ARHGAP10: variants seen among roughly 807,000 people sequenced by gnomAD.
ARHGAP10 encodes the protein Rho GTPase activating protein 10, also known as rho GTPase-activating protein 10.
ARHGAP10 carries 87 observed loss-of-function variants against 108.6 expected under a neutral mutation model. That is an observed-to-expected ratio of 0.80 (90% CI 0.67 to 0.96). The LOEUF (loss-of-function observed/expected upper bound fraction) is 0.96, where lower values mean the gene tolerates loss of function less well. Among genes scored for constraint, ARHGAP10 ranks in the 40% least tolerant of loss-of-function variants. ARHGAP10 has a pLI of 0.00. For synonymous variants in ARHGAP10, 347 were observed against 341.1 expected, an observed-to-expected ratio of 1.02 and a Z score of -0.19; for missense variants, 939 against 954.5, an observed-to-expected ratio of 0.98 and a Z score of 0.21.
At chr4:147,793,305 C>CATAT (rs1167905424) in intron 1 of ARHGAP10, among the ~76,000 whole-genome samples, 1 of 130,004 alleles carries the variant, frequency 7.7e-6, no homozygotes, top group African/African-American at 2.7e-5. Flanking sequence ...ATAACACACA[C>CATAT]ATATATATAT....
At chr4:147,929,825 AAAT>A (rs1737602907) in intron 13 of ARHGAP10, among the ~76,000 whole-genome samples, 1 of 152,204 alleles carries the variant, frequency 6.6e-6, no homozygotes, top group Non-Finnish European at 1.5e-5. Flanking sequence ...AAGGCATCTA[AAAT>A]AATGATTAAT....
chr4:148,055,404 C>A (rs541234301), intron 20 of ARHGAP10, among the ~76,000 whole-genome samples: 2 of 152,218 alleles, frequency 1.3e-5, no homozygotes, highest in South Asian at 4.2e-4. Context: ...GATATTTGTT[C>A]TCAGCTGGGC....
chr4:148,047,301 G>C (rs1728934073), intron 20 of ARHGAP10, among the ~76,000 whole-genome samples: 1 of 152,152 alleles, frequency 6.6e-6, no homozygotes, highest in African/African-American at 2.4e-5. Flanking sequence ...CAATTCCTGG[G>C]CAGTTTTGGA....
intron 1 of ARHGAP10, among the ~76,000 whole-genome samples, chr4:147,799,807 G>A (rs750903096): frequency 6.6e-6 from 1 of 152,152 alleles, no homozygotes; most frequent in Non-Finnish European, 1.5e-5. Flanking sequence ...CAGGGTTAGG[G>A]TCAGTTTTTT....
chr4:148,038,720 G>A (rs1009132009), intron 19 of ARHGAP10, among the ~76,000 whole-genome samples: 2 of 152,164 alleles, frequency 1.3e-5, no homozygotes, highest in African/African-American at 4.8e-5. Context: ...GGTGACAGGA[G>A]GATGAATTCA....
intron 22 of ARHGAP10, among the ~76,000 whole-genome samples, chr4:148,071,595 G>A (rs1177867649): frequency 2.0e-5 from 3 of 151,978 alleles, no homozygotes; most frequent in Non-Finnish European, 4.4e-5. Flanking sequence ...CAGCCTGGGC[G>A]ACAGAGCGAG....
intron 21 of ARHGAP10, among the ~76,000 whole-genome samples, 159 bp downstream of exon 21, chr4:148,063,459 C>T (rs938474521): frequency 6.6e-6 from 1 of 152,138 alleles, no homozygotes; most frequent in Admixed American, 6.5e-5. Flanking sequence ...GTATCAGGGC[C>T]GTGCCTCACC....
chr4:147,999,491 GA>G (rs1740609677), intron 18 of ARHGAP10, among the ~76,000 whole-genome samples: 1 of 152,216 alleles, frequency 6.6e-6, no homozygotes, highest in African/African-American at 2.4e-5. Context: ...CATCCCTCCG[GA>G]TCCGGCAGGG....
chr4:147,985,837 C>T (rs867086113), intron 18 of ARHGAP10, among the ~76,000 whole-genome samples: 23 of 152,184 alleles, frequency 1.5e-4, no homozygotes, highest in African/African-American at 5.3e-4. Flanking sequence ...TGCTCTCCCT[C>T]GGCCTGGGTT....
intron 18 of ARHGAP10, among the ~76,000 whole-genome samples, chr4:147,978,072 G>A (rs964055262): frequency 6.6e-6 from 1 of 152,114 alleles, no homozygotes; most frequent in African/African-American, 2.4e-5. Flanking sequence ...CTATTGATGG[G>A]CACTCTATTG....
chr4:148,016,358 T>C (rs2149658418), intron 18 of ARHGAP10, among the ~76,000 whole-genome samples: 1 of 152,090 alleles, frequency 6.6e-6, no homozygotes, highest in East Asian at 1.9e-4. Flanking sequence ...TAAAAATTAC[T>C]TGGTTGTGGT....
chr4:147,951,968 A>T (rs1024849082), intron 15 of ARHGAP10, among the ~76,000 whole-genome samples: 1 of 152,194 alleles, frequency 6.6e-6, no homozygotes, highest in African/African-American at 2.4e-5. Context: ...AGCCTCATCC[A>T]CTAAAATGTT....
At chr4:147,736,611 C>T (rs1728425940) in intron 1 of ARHGAP10, among the ~76,000 whole-genome samples, 1 of 152,160 alleles carries the variant, frequency 6.6e-6, no homozygotes, top group Admixed American at 6.5e-5. Flanking sequence ...TCCTTTTCCC[C>T]TCTGACAATC....
chr4:148,056,988 C>G (rs1390458145), intron 20 of ARHGAP10, among the ~76,000 whole-genome samples: 1 of 152,220 alleles, frequency 6.6e-6, no homozygotes, highest in Non-Finnish European at 1.5e-5. Flanking sequence ...TGAGTCATGA[C>G]TCTCTTCACG....
intron 10 of ARHGAP10, among the ~76,000 whole-genome samples, chr4:147,890,317 T>A (rs186752530): frequency 9.1e-4 from 138 of 152,312 alleles, no homozygotes; most frequent in African/African-American, 3.1e-3. Context: ...GTTAGATGGA[T>A]GTGTGCTTCA....
At position 147,920,341 on chromosome 4, in the gene ARHGAP10, CG is replaced by C. The variant is rs139475713; in HGVS notation, c.1228+7205del. On this transcript the variant is annotated intron_variant, in intron 13 of 22. Coordinates refer to ENST00000336498, the MANE Select transcript of ARHGAP10 (RefSeq NM_024605.4). ...CTGAGGCAGGAGAATGGTGTGAACC[CG>C]GGAGGTGGAGCTTGCAATGAGCGGA... Among the ~76,000 whole-genome samples the C allele has an allele frequency of 4.3e-4, 65 of 150,420 alleles. No homozygotes were observed. The East Asian group carries it at 0.012, about 28-fold the overall frequency.
At chr4:147,931,623 T>C (rs934138223) in intron 13 of ARHGAP10, among the ~76,000 whole-genome samples, 8 of 152,150 alleles carry the variant, frequency 5.3e-5, no homozygotes, top group African/African-American at 1.9e-4. Context: ...CAAGTATCTT[T>C]CCAGGCAATA....
At chr4:147,756,423 C>T (rs1168488132) in intron 1 of ARHGAP10, among the ~76,000 whole-genome samples, 1 of 152,216 alleles carries the variant, frequency 6.6e-6, no homozygotes, top group Non-Finnish European at 1.5e-5. Flanking sequence ...TCTCCATTAA[C>T]TTCAGTTAAT....
At chr4:147,843,220 G>A (rs1385061136) in intron 3 of ARHGAP10, among the ~76,000 whole-genome samples, 7 of 152,166 alleles carry the variant, frequency 4.6e-5, no homozygotes, top group Non-Finnish European at 8.8e-5. Context: ...CAGAGATTTT[G>A]AACCATTCTT....
Sources: allele counts gnomAD v4.1 joint callset (sites outside exome capture counted in the v4.1 genomes callset), GRCh38; gene constraint gnomAD v4.1.1; transcripts MANE v1.5; gene names NCBI Gene and HGNC (gene_info 2026-07-23, HGNC 2026-07-21).